The following PHIP variants were observed in gnomAD, a reference collection of about 807,000 sequenced individuals.
PHIP encodes PH-interacting protein.
A neutral mutation model predicts 236.8 loss-of-function variants in PHIP; 54 were observed. The ratio of observed to expected loss-of-function variants is 0.23; its 90% confidence interval spans 0.18 to 0.29. PHIP has a LOEUF of 0.29. Ranked by LOEUF, PHIP falls within the 10% of genes least tolerant of loss-of-function variation. The probability of loss-of-function intolerance (pLI) is 1.00; values close to 1 mark genes in which losing one functional copy is unlikely to be tolerated. For missense variants in PHIP, 1,370 were observed against 2,190.8 expected (o/e 0.63, Z 7.48); for synonymous variants, 756 against 718.9 (o/e 1.05, Z -0.83).
chr6:78,955,516 A>G, intron 33 of PHIP, 97 bp downstream of exon 33: 1 of 572,402 alleles, frequency 1.7e-6, no homozygotes. Flanking sequence ...CTAGACAAAA[A>G]ATAATGTTCA....
chr6:78,947,071 C>G (rs747071738), intron 36 of PHIP, among the ~76,000 whole-genome samples, 197 bp from the exon 37 acceptor site: 67 of 152,046 alleles, frequency 4.4e-4, no homozygotes, highest in Admixed American at 1.5e-3. Flanking sequence ...GTGTTTAGAA[C>G]AGAAATCTTC....
At chr6:79,060,270 C>T (rs1180177121) in intron 6 of PHIP, among the ~76,000 whole-genome samples, 30 of 152,124 alleles carry the variant, frequency 2.0e-4, no homozygotes. Context: ...AATTGGCCTA[C>T]ATAAGGTGCA....
At chr6:78,969,399 T>C (rs905947316) in intron 27 of PHIP, among the ~76,000 whole-genome samples, 2 of 152,194 alleles carry the variant, frequency 1.3e-5, no homozygotes, top group Admixed American at 6.5e-5. Flanking sequence ...CCTGAAAACT[T>C]TTACAGATTT....
At chr6:79,031,097 C>A (rs1205948671) in intron 7 of PHIP, among the ~76,000 whole-genome samples, 1 of 152,068 alleles carries the variant, frequency 6.6e-6, no homozygotes, top group Non-Finnish European at 1.5e-5. Context: ...GCGTCCGCCA[C>A]CACACCCAGC....
Position 78,946,096 on chromosome 6 carries a change from A to G in PHIP, c.4535T>C (p.Val1512Ala). The G allele has an allele frequency of 6.2e-7, 1 of 1,613,852 alleles. No homozygotes were observed. The highest frequency in any genetic ancestry group is 8.5e-7 in the Non-Finnish European group (1 of 1,179,722). ...TTGCTCAGTGACAACTGGATCTACA[A>G]CCACTCGGTTGCTTCTGGTTCGAAC... The part of the protein sequence containing the change: ...SVVRTRSNRV[V>A]VDPVVTEQPS... Residue 1512 changes from valine (V) to alanine (A), a missense_variant, in exon 38 of 40, where the codon GTT becomes GCT. Val to Ala is a moderately conservative substitution (Grantham distance 64, BLOSUM62 0). Transcript: ENST00000275034.
chr6:79,001,078 G>A (rs1214044020), intron 17 of PHIP, among the ~76,000 whole-genome samples: 2 of 152,020 alleles, frequency 1.3e-5, no homozygotes, highest in Non-Finnish European at 2.9e-5. Context: ...AAGCTACTTA[G>A]AAGCTTTTGT....
chr6:78,978,846 G>T, intron 23 of PHIP, 135 bp from the exon 24 acceptor site: 1 of 586,606 alleles, frequency 1.7e-6, no homozygotes, highest in Non-Finnish European at 2.6e-6. Context: ...TATACAGTTG[G>T]CCCTGTGTAT....
At chr6:78,944,363 A>G (rs1319666657) in intron 39 of PHIP, among the ~76,000 whole-genome samples, 1 of 152,204 alleles carries the variant, frequency 6.6e-6, no homozygotes, top group Non-Finnish European at 1.5e-5. Flanking sequence ...GAGAAATAAA[A>G]AGATCGCTTT....
At chr6:78,989,868 A>C (rs1414729279) in intron 20 of PHIP, among the ~76,000 whole-genome samples, 5 of 152,232 alleles carry the variant, frequency 3.3e-5, no homozygotes, top group African/African-American at 1.2e-4. Context: ...AAAGCCAACC[A>C]ATCAATCAAG....
chr6:78,970,865 A>G lies in PHIP; in HGVS notation c.2913T>C (p.His971=), dbSNP rs1451200041. The part of the protein sequence containing the change: ...GDEVYYFRQG[H]EAYVEMARKN... ...TCCGGGCCATTTCGACATAGGCTTC[A>G]TGTCCTTGTCGGAAATAATAAACCT... Residue 971 remains histidine, a synonymous_variant, in exon 25 of 40, where the codon CAT becomes CAC. Coordinates refer to ENST00000275034, the MANE Select transcript of PHIP (RefSeq NM_017934.7). The G allele has an allele frequency of 6.2e-7, 1 of 1,608,338 alleles. No individual in the cohort carries two copies. Among genetic ancestry groups the G allele is most frequent in the Non-Finnish European group, 8.5e-7 (1 of 1,177,656 alleles).
At chr6:78,965,639 CTTAAATAATTT>C in intron 29 of PHIP, 53 bp downstream of exon 29, 1 of 918,954 alleles carries the variant, frequency 1.1e-6, no homozygotes, top group Non-Finnish European at 1.7e-6. Context: ...GTTAGCAAAT[CTTAAATAATTT>C]CTTAAGAAAT....
intron 27 of PHIP, among the ~76,000 whole-genome samples, chr6:78,967,453 T>C (rs1353320020): frequency 6.6e-6 from 1 of 152,190 alleles, no homozygotes; most frequent in African/African-American, 2.4e-5. Flanking sequence ...GAACAATATC[T>C]GTAGAATAAC....
intron 15 of PHIP, among the ~76,000 whole-genome samples, chr6:79,013,150 C>T (rs1158765199): frequency 1.3e-5 from 2 of 151,590 alleles, no homozygotes; most frequent in African/African-American, 4.8e-5. Flanking sequence ...TTTCTCCATT[C>T]CTAAGACCAA....
chr6:79,051,556 T>G (rs1007017588), intron 6 of PHIP, among the ~76,000 whole-genome samples: 1 of 152,146 alleles, frequency 6.6e-6, no homozygotes, highest in African/African-American at 2.4e-5. Flanking sequence ...TAGTTGCACC[T>G]CCTGTTTGAA....
At chr6:79,025,763 A>G (rs1224866731) in intron 8 of PHIP, 144 bp from the exon 9 acceptor site, 2 of 701,986 alleles carry the variant, frequency 2.8e-6, no homozygotes, top group African/African-American at 3.6e-5. Flanking sequence ...TAAAGTCCAT[A>G]TATTTATAAA....
At position 78,935,078 on chromosome 6, in the gene PHIP, T is replaced by C. The variant is rs1375865037; in HGVS notation, c.*5615A>G. ...ACTGGGGAATCCTGGGTCATAAAAT[T>C]GGTATTATTACAAAAGAGAAATAAG... is the stretch of plus-strand genomic sequence containing the variant. On this transcript the variant is annotated 3_prime_UTR_variant, in exon 40 of 40. Transcript: ENST00000275034. Among the ~76,000 whole-genome samples the C allele has an allele frequency of 6.6e-6, 1 of 152,274 alleles. No homozygotes were observed. Among genetic ancestry groups the C allele is most frequent in the East Asian group, 1.9e-4 (1 of 5,190 alleles).
In PHIP at chr6:78,965,910, C is replaced by T. The variant is rs199519959; in HGVS notation, c.3317+35G>A. ...ATGGAAAAAAAAATTCAAAGCAAGC[C>T]TAGGTGAACTAAAATACAACAAATA... is the stretch of plus-strand genomic sequence containing the variant. On this transcript the variant is annotated intron_variant, in intron 28 of 39. Coordinates refer to ENST00000275034, the MANE Select transcript of PHIP (RefSeq NM_017934.7). The T allele has an allele frequency of 8.7e-5, 129 of 1,475,150 alleles. No individual in the cohort carries two copies. The East Asian group carries it at 2.8e-3, about 32-fold the overall frequency. 91.4% of individuals were successfully genotyped at this position (1,475,150 alleles called of 1,614,324 possible).
chr6:78,969,084 G>A (rs1396017578), intron 27 of PHIP, among the ~76,000 whole-genome samples: 1 of 152,012 alleles, frequency 6.6e-6, no homozygotes, highest in African/African-American at 2.4e-5. Flanking sequence ...AAACTTCTAG[G>A]GAAATGGAAC....
At chr6:79,026,307 T>C in intron 7 of PHIP, 143 bp from the exon 8 acceptor site, 2 of 653,858 alleles carry the variant, frequency 3.1e-6, no homozygotes, top group South Asian at 1.9e-5. Flanking sequence ...TGTGTTAGCT[T>C]ACACAAAGCT....
Sources: gnomAD v4.1 joint callset for allele counts (sites outside exome capture counted in the v4.1 genomes callset) on GRCh38, gnomAD v4.1.1 for gene constraint, MANE v1.5 for transcripts, NCBI Gene and HGNC (gene_info 2026-07-23, HGNC 2026-07-21) for gene names.